LRP1B: variants seen among roughly 807,000 people sequenced by gnomAD.
LRP1B encodes LDL receptor related protein 1B.
In LRP1B, 217 loss-of-function variants were observed where a neutral mutation model predicts 556.6. The observed-to-expected ratio is 0.39, with a 90% CI of 0.35 to 0.44. The LOEUF (loss-of-function observed/expected upper bound fraction) is 0.44. Among genes scored for constraint, LRP1B ranks in the 20% least tolerant of loss-of-function variants. The pLI, the probability that LRP1B is intolerant of heterozygous loss-of-function variation, is 1.00. For synonymous variants in LRP1B, 2,047 were observed against 1,865.8 expected (o/e 1.10, Z -2.50); for missense variants, 5,053 against 5,620.8 (o/e 0.90, Z 3.23).
At chr2:141,791,146 T>C (rs2105661955) in intron 2 of LRP1B, among the ~76,000 whole-genome samples, 1 of 152,032 alleles carries the variant, frequency 6.6e-6, no homozygotes, top group East Asian at 1.9e-4. Context: ...GGCTAAAAAA[T>C]TCCTGACACC....
At position 140,556,036 on chromosome 2, in the gene LRP1B, G is replaced by A. The variant is rs1036919961; in HGVS notation, c.7195-14065C>T. 2.0e-5 allele frequency among the ~76,000 whole-genome samples: 3 copies of A among 152,166 alleles called. No homozygotes were observed. The Middle Eastern group carries it at 0.01, about 518-fold the overall frequency. ...ATGAAGTTACCCTGATCATCTACAA[G>A]ATTTTCAATTCTGGAAATCAAATAA... is the stretch of plus-strand genomic sequence containing the variant. On this transcript the variant is annotated intron_variant, in intron 43 of 90. Coordinates refer to ENST00000389484, the MANE Select transcript of LRP1B (RefSeq NM_018557.3).
At chr2:140,330,135 G>T (rs916775952) in intron 79 of LRP1B, among the ~76,000 whole-genome samples, 7 of 150,856 alleles carry the variant, frequency 4.6e-5, no homozygotes, top group African/African-American at 1.5e-4. Context: ...GGGAGGCAGA[G>T]GCTGCAGTGA....
intron 66 of LRP1B, among the ~76,000 whole-genome samples, chr2:140,441,146 C>T (rs1186659529): frequency 6.6e-6 from 1 of 152,052 alleles, no homozygotes; most frequent in Non-Finnish European, 1.5e-5. Flanking sequence ...TGATAATAAT[C>T]TATTTGAAGC....
intron 32 of LRP1B, among the ~76,000 whole-genome samples, chr2:140,793,723 GA>G (rs998562428): frequency 1.2e-3 from 180 of 151,758 alleles, no homozygotes; most frequent in African/African-American, 4.2e-3. Context: ...TATTTCATGG[GA>G]AAAAGTTGCC....
chr2:142,065,872 A>C, intron 1 of LRP1B, among the ~76,000 whole-genome samples: 1 of 151,460 alleles, frequency 6.6e-6, no homozygotes, highest in East Asian at 1.9e-4. Flanking sequence ...GAAAAGTCTC[A>C]TTGAAATCAT....
At chr2:141,000,197 C>T (rs1697376957) in intron 15 of LRP1B, among the ~76,000 whole-genome samples, 1 of 151,914 alleles carries the variant, frequency 6.6e-6, no homozygotes, top group African/African-American at 2.4e-5. Flanking sequence ...GGGATTACAG[C>T]TGTGAGCCAC....
intron 18 of LRP1B, among the ~76,000 whole-genome samples, chr2:140,972,596 G>GA (rs75550758): frequency 0.73 from 111,068 of 151,336 alleles, 41,273 homozygotes; most frequent in Admixed American, 0.79. Context: ...TAGGAAACAT[G>GA]GGAAAAATGG....
intron 1 of LRP1B, among the ~76,000 whole-genome samples, chr2:141,818,685 T>A (rs113123486): frequency 1.2e-4 from 18 of 151,214 alleles, no homozygotes; most frequent in Non-Finnish European, 2.4e-4. Context: ...TACAGGCGCC[T>A]GCCACCACAC....
intron 1 of LRP1B, among the ~76,000 whole-genome samples, chr2:141,854,459 A>G (rs750796209): frequency 2.0e-5 from 3 of 152,110 alleles, no homozygotes; most frequent in South Asian, 2.1e-4. Context: ...TTCTAACACC[A>G]TACATGAATA....
chr2:141,254,447 C>G, intron 4 of LRP1B, 75 bp downstream of exon 4: 1 of 1,496,568 alleles, frequency 6.7e-7, no homozygotes, highest in South Asian at 1.1e-5. Context: ...GGTAGGTGCT[C>G]AAAGATGTCT....
At chr2:141,201,155 A>G (rs1021427481) in intron 6 of LRP1B, among the ~76,000 whole-genome samples, 2 of 152,202 alleles carry the variant, frequency 1.3e-5, no homozygotes, top group Admixed American at 6.5e-5. Context: ...GTGAGTAACA[A>G]TAGTATGAGG....
chr2:141,448,721 C>T (rs1187481084), intron 3 of LRP1B, among the ~76,000 whole-genome samples: 1 of 152,160 alleles, frequency 6.6e-6, no homozygotes, highest in African/African-American at 2.4e-5. Flanking sequence ...CCTCCACGGG[C>T]TAAACCCACT....
chr2:141,336,438 T>C (rs4954895), intron 3 of LRP1B, among the ~76,000 whole-genome samples: 86,559 of 152,050 alleles, frequency 0.57, 25,588 homozygotes, highest in African/African-American at 0.68. Context: ...ATCACCTAAG[T>C]CAGAATCATT....
At chr2:142,069,031 T>C (rs189882419) in intron 1 of LRP1B, among the ~76,000 whole-genome samples, 89 of 151,618 alleles carry the variant, frequency 5.9e-4, no homozygotes, top group Non-Finnish European at 5.0e-4. Flanking sequence ...TCCCTCTCTC[T>C]GTCTCTCCTT....
At chr2:140,905,495 G>C (rs912288433) in intron 22 of LRP1B, among the ~76,000 whole-genome samples, 6 of 152,054 alleles carry the variant, frequency 3.9e-5, no homozygotes, top group Admixed American at 1.3e-4. Flanking sequence ...GGAGCTGAGA[G>C]CGTTCTCTTT....
At position 141,810,140 on chromosome 2, in the gene LRP1B, A is replaced by AGAAG. The variant is rs1696302685; in HGVS notation, c.205+138_205+139insCTTC. 16 of 497,452 alleles carry AGAAG rather than the reference A, an allele frequency of 3.2e-5. No homozygotes were observed. In the East Asian group the frequency reaches 5.3e-4, roughly 16 times the overall value. 30.8% of individuals were successfully genotyped at this position (497,452 alleles called of 1,614,324 possible). A position where few individuals can be genotyped will look rare whatever the true frequency, so the allele number is the denominator to read the frequency against. On this transcript the variant is annotated intron_variant, in intron 2 of 90. Coordinates refer to ENST00000389484, the MANE Select transcript of LRP1B (RefSeq NM_018557.3). ...AAGAAAGAAAGAAAGAAAGAAAGAAAGAAAGAAAGAAAGAAAGAAAGAAAG... is the reference window on the plus strand; with the variant it reads ...AAGAAAGAAAGAAAGAAAGAAAGAAAGAAGGAAAGAAAGAAAGAAAGAAAGAAAG...
chr2:141,971,619 G>A (rs767323624), intron 1 of LRP1B, among the ~76,000 whole-genome samples: 2 of 151,296 alleles, frequency 1.3e-5, no homozygotes, highest in Non-Finnish European at 3.0e-5. Flanking sequence ...TGAATGAGTG[G>A]GTATGATGAT....
intron 2 of LRP1B, among the ~76,000 whole-genome samples, chr2:141,686,784 A>T (rs1368172974): frequency 6.6e-6 from 1 of 151,990 alleles, no homozygotes; most frequent in Admixed American, 6.6e-5. Flanking sequence ...TTAATCCATC[A>T]GTAGATTAAA....
Position 142,106,292 on chromosome 2 carries a change from G to A in LRP1B, c.82+24356C>T, listed in dbSNP as rs534344503. Among the ~76,000 whole-genome samples, 38 of 152,258 alleles carry A rather than the reference G, an allele frequency of 2.5e-4. 1 individual carries two copies. The highest frequency in any genetic ancestry group is 8.3e-4 in the South Asian group (4 of 4,826). On this transcript the variant is annotated intron_variant, in intron 1 of 90. Coordinates refer to ENST00000389484, the MANE Select transcript of LRP1B (RefSeq NM_018557.3). ...AATTTTTTAAAATCACAAAAGTTAA[G>A]TGACTTTGATTATTACTATTGTGGA...
Sources: gnomAD v4.1 joint callset for allele counts (sites outside exome capture counted in the v4.1 genomes callset) on GRCh38, gnomAD v4.1.1 for gene constraint, MANE v1.5 for transcripts, NCBI Gene and HGNC (gene_info 2026-07-23, HGNC 2026-07-21) for gene names.